RNF6: variants seen among roughly 807,000 people sequenced by gnomAD.
RNF6 encodes E3 ubiquitin-protein ligase RNF6.
Under a neutral mutation model 50.1 loss-of-function variants are expected in RNF6, and 21 were observed. The ratio of observed to expected loss-of-function variants is 0.42; its 90% CI spans 0.30 to 0.60. The LOEUF (loss-of-function observed/expected upper bound fraction) is 0.60, where lower values mean the gene tolerates loss of function less well. RNF6 is among the 20% of genes least tolerant of loss of function. The probability of loss-of-function intolerance (pLI) is 0.20; values close to 1 mark genes in which losing one functional copy is unlikely to be tolerated. For synonymous variants in RNF6, 255 were observed against 291.8 expected (o/e 0.87, Z 1.29); for missense variants, 698 against 838.2 (o/e 0.83, Z 2.07).
intron 5 of RNF6, among the ~76,000 whole-genome samples, chr13:26,166,679 G>C (rs1872466065): frequency 6.6e-6 from 1 of 152,134 alleles, no homozygotes; most frequent in South Asian, 2.1e-4. Context: ...TGACACTTTG[G>C]GAGGCTGAGG....
In RNF6 at chr13:26,133,940, G is replaced by C. The variant is rs1445573632; in HGVS notation, n.769-1489C>G. On this transcript the variant is annotated intron_variant and non_coding_transcript_variant, in intron 5 of 5. Coordinates refer to the RNF6 transcript ENST00000468480. ...TGAAACCTAGATGTTTTGGTTATTAGGTTATGAGACTCTGGATATCATTTA... is the reference window on the plus strand; with the variant it reads ...TGAAACCTAGATGTTTTGGTTATTACGTTATGAGACTCTGGATATCATTTA... 2.6e-5 allele frequency among the ~76,000 whole-genome samples: 4 copies of C among 152,166 alleles called. No homozygotes were observed. The East Asian group carries it at 7.7e-4, about 29-fold the overall frequency.
At chr13:26,147,527 G>A (rs1049520129) in intron 5 of RNF6, among the ~76,000 whole-genome samples, 4 of 152,212 alleles carry the variant, frequency 2.6e-5, no homozygotes, top group Non-Finnish European at 4.4e-5. Flanking sequence ...TGAGGTAGGG[G>A]TGGAGGGTAG....
At chr13:26,153,793 G>A (rs961050284) in intron 5 of RNF6, among the ~76,000 whole-genome samples, 10 of 152,140 alleles carry the variant, frequency 6.6e-5, no homozygotes, top group Non-Finnish European at 1.0e-4. Context: ...TAAAATGACC[G>A]AAATTGCTCC....
chr13:26,201,493 G>A (rs777860786), intron 5 of RNF6, among the ~76,000 whole-genome samples: 5 of 152,150 alleles, frequency 3.3e-5, no homozygotes, highest in Non-Finnish European at 5.9e-5. Context: ...GGTGGGGGAT[G>A]TTGGGGGAGG....
intron 5 of RNF6, among the ~76,000 whole-genome samples, chr13:26,204,496 C>CAAAAAAAAAAAA (rs71080239): frequency 5.8e-5 from 4 of 68,904 alleles, no homozygotes; most frequent in Admixed American, 1.5e-4. Context: ...GACTCCACCT[C>CAAAAAAAAAAAA]AAAAAAAAAA....
At chr13:26,207,781 C>T (rs965362791), downstream of RNF6, among the ~76,000 whole-genome samples, 6 of 152,192 alleles carry the variant, frequency 3.9e-5, no homozygotes, top group Non-Finnish European at 2.9e-5. Flanking sequence ...TTGACTACAC[C>T]AGTGCCGTGA....
chr13:26,161,743 T>A (rs1351067106), intron 5 of RNF6, among the ~76,000 whole-genome samples: 1 of 152,226 alleles, frequency 6.6e-6, no homozygotes, highest in South Asian at 2.1e-4. Flanking sequence ...TTTTAGAACT[T>A]AATTATAAAG....
intron 5 of RNF6, among the ~76,000 whole-genome samples, chr13:26,189,392 C>G (rs1236444505): frequency 6.6e-6 from 1 of 152,114 alleles, no homozygotes; most frequent in Admixed American, 6.5e-5. Flanking sequence ...CTCAATTACT[C>G]TAAATCAAAT....
downstream of RNF6, among the ~76,000 whole-genome samples, chr13:26,210,074 C>G (rs1192491207): frequency 6.6e-6 from 1 of 152,072 alleles, no homozygotes; most frequent in East Asian, 1.9e-4. Flanking sequence ...TCTCTAGAGA[C>G]TAAAGAAAAA....
downstream of RNF6, among the ~76,000 whole-genome samples, chr13:26,212,481 T>C (rs1869369980): frequency 6.6e-6 from 1 of 152,142 alleles, no homozygotes; most frequent in South Asian, 2.1e-4. Flanking sequence ...TATTTCTAAA[T>C]CTCACAGAAT....
chr13:26,148,042 C>T (rs1437902108), intron 5 of RNF6, among the ~76,000 whole-genome samples: 1 of 152,196 alleles, frequency 6.6e-6, no homozygotes, highest in East Asian at 1.9e-4. Flanking sequence ...GTTTAATTGA[C>T]TCACAGTTCC....
chr13:26,188,228 G>A (rs1056381549), intron 5 of RNF6, among the ~76,000 whole-genome samples: 28 of 152,280 alleles, frequency 1.8e-4, no homozygotes, highest in African/African-American at 6.5e-4. Context: ...TTCTATAAGT[G>A]TAAACTGGTG....
At chr13:26,158,070 GAAACATGAA>G (rs1872034044) in intron 5 of RNF6, among the ~76,000 whole-genome samples, 1 of 152,104 alleles carries the variant, frequency 6.6e-6, no homozygotes, top group African/African-American at 2.4e-5. Context: ...ATGAATAGAT[GAAACATGAA>G]TGGATAGATG....
rs1566439929 is a variant in RNF6, at chr13:26,214,835, GACTCGAGTTCT to G, written c.1036_1046del (p.Arg346LeufsTer6). 6.2e-7 allele frequency: 1 copy of G among 1,614,050 alleles called. No homozygotes were observed. Among genetic ancestry groups the G allele is most frequent in the Non-Finnish European group, 8.5e-7 (1 of 1,180,046 alleles). On this transcript the variant is annotated frameshift_variant, in exon 5 of 5. Transcript: ENST00000381588. LOFTEE classifies it high-confidence loss of function. ...CTCGTTCTCTATCTTGCTCTAAAAA[GACTCGAGTTCT>G]ACCTCTCCTCCTAACAGATCTTCTA... is the stretch of plus-strand genomic sequence containing the variant.
chr13:26,213,303 T>G lies in RNF6; in HGVS notation c.*521A>C, dbSNP rs1003773861. ...AACCTTAAAATTATATACCTATATA[T>G]ACACCTATGGTATGCTGCATATTAA... On this transcript the variant is annotated 3_prime_UTR_variant, in exon 5 of 5. Coordinates refer to ENST00000381588, the MANE Select transcript of RNF6 (RefSeq NM_005977.4). 2 of 152,768 alleles carry G rather than the reference T, an allele frequency of 1.3e-5. No homozygotes were observed. Among genetic ancestry groups the G allele is most frequent in the Non-Finnish European group, 2.9e-5 (2 of 68,140 alleles). 9.5% of individuals were successfully genotyped at this position (152,768 alleles called of 1,614,324 possible).
intron 5 of RNF6, among the ~76,000 whole-genome samples, chr13:26,169,250 C>T (rs1008940777): frequency 1.3e-5 from 2 of 152,056 alleles, no homozygotes; most frequent in Admixed American, 6.5e-5. Flanking sequence ...GCTCAGGGAG[C>T]CGTGGAGACT....
intron 5 of RNF6, among the ~76,000 whole-genome samples, chr13:26,183,102 A>G (rs1034541878): frequency 6.6e-6 from 1 of 152,224 alleles, no homozygotes; most frequent in Non-Finnish European, 1.5e-5. Context: ...GCACTTTAAA[A>G]TGTGTTTGAA....
intron 5 of RNF6, among the ~76,000 whole-genome samples, chr13:26,144,266 TG>T (rs1871116516): frequency 6.6e-6 from 1 of 151,868 alleles, no homozygotes; most frequent in South Asian, 2.1e-4. Flanking sequence ...TAAGGGTGGC[TG>T]GGAAAAAAAA....
At chr13:26,160,541 CTTCTTTTTT>C (rs1872157437) in intron 5 of RNF6, among the ~76,000 whole-genome samples, 1 of 23,166 alleles carries the variant, frequency 4.3e-5, no homozygotes, top group African/African-American at 1.7e-4. Flanking sequence ...TTCTCTTCTT[CTTCTTTTTT>C]TTTTTTTTTT....
Sources: allele counts gnomAD v4.1 joint callset (sites outside exome capture counted in the v4.1 genomes callset), GRCh38; gene constraint gnomAD v4.1.1; transcripts MANE v1.5; gene names NCBI Gene and HGNC (gene_info 2026-07-23, HGNC 2026-07-21).